Variants in TMTC2 observed in about 807,000 individuals in gnomAD.
The protein encoded by TMTC2 is transmembrane O-mannosyltransferase targeting cadherins 2, also known as protein O-mannosyl-transferase TMTC2.
A neutral mutation model predicts 82.4 loss-of-function variants in TMTC2; 43 were observed. That is an observed-to-expected ratio of 0.52 (90% CI 0.41 to 0.67). The LOEUF is 0.67. Ranked by LOEUF, TMTC2 falls within the 30% of genes least tolerant of loss-of-function variation. TMTC2 has a pLI of 0.00. For synonymous variants in TMTC2, 408 were observed against 381.9 expected, an observed-to-expected ratio of 1.07 and a Z score of -0.80; for missense variants, 919 against 1,012.4, an observed-to-expected ratio of 0.91 and a Z score of 1.25.
intron 1 of TMTC2, among the ~76,000 whole-genome samples, chr12:82,795,234 G>A (rs939858364): frequency 6.6e-6 from 1 of 151,132 alleles, no homozygotes; most frequent in Non-Finnish European, 1.5e-5. Context: ...GAACCTGGGA[G>A]GCAGGGGTTG....
intron 4 of TMTC2, among the ~76,000 whole-genome samples, chr12:82,943,070 G>A (rs1796162): frequency 0.92 from 139,681 of 152,160 alleles, 64,213 homozygotes; most frequent in East Asian, 1. Flanking sequence ...GGAGAGAGCT[G>A]CTTATATAAA....
At chr12:83,113,686 TTA>T (rs773019367) in intron 11 of TMTC2, among the ~76,000 whole-genome samples, 113 of 152,346 alleles carry the variant, frequency 7.4e-4, no homozygotes, top group Non-Finnish European at 1.1e-3. Context: ...TATGAAATTA[TTA>T]TGTGTGAAGA....
intron 4 of TMTC2, among the ~76,000 whole-genome samples, chr12:82,938,257 A>C (rs778135806): frequency 5.3e-5 from 8 of 152,034 alleles, no homozygotes; most frequent in Non-Finnish European, 1.0e-4. Context: ...ATGTTCTTGA[A>C]AATTCAGGGC....
At chr12:82,775,835 G>T (rs1268182531) in intron 1 of TMTC2, among the ~76,000 whole-genome samples, 1 of 151,906 alleles carries the variant, frequency 6.6e-6, no homozygotes, top group African/African-American at 2.4e-5. Context: ...ACAAAATTCT[G>T]CTCAGTTTCC....
At chr12:83,024,521 A>G (rs1881077752) in intron 8 of TMTC2, among the ~76,000 whole-genome samples, 1 of 152,188 alleles carries the variant, frequency 6.6e-6, no homozygotes, top group Non-Finnish European at 1.5e-5. Context: ...AGAAATTCCC[A>G]AAGAGTAAAC....
rs530054988 is a variant in TMTC2, at chr12:83,014,582, G to A, written c.2071-16216G>A. On this transcript the variant is annotated intron_variant, in intron 8 of 11. Transcript: ENST00000321196. ...CCAAACTCCTGGGTTCAAGTGATCT[G>A]CCCCTCTCAGCCTCCCAAAGTTCTG... 9.2e-5 allele frequency among the ~76,000 whole-genome samples: 14 copies of A among 152,216 alleles called. No homozygotes were observed. The South Asian group carries it at 2.1e-3, about 23-fold the overall frequency.
At chr12:83,086,348 G>C (rs1333494947) in intron 11 of TMTC2, among the ~76,000 whole-genome samples, 1 of 152,170 alleles carries the variant, frequency 6.6e-6, no homozygotes, top group East Asian at 1.9e-4. Context: ...ATTTTAATTG[G>C]TCAAAGACAG....
intron 5 of TMTC2, 116 bp from the exon 6 acceptor site, chr12:82,965,444 T>C (rs1565831286): frequency 3.7e-6 from 4 of 1,075,578 alleles, no homozygotes; most frequent in Non-Finnish European, 5.3e-6. Flanking sequence ...TCATAAGTAT[T>C]TTTTTCTTTT....
At chr12:82,988,839 A>T (rs1459701633) in intron 8 of TMTC2, among the ~76,000 whole-genome samples, 2 of 148,004 alleles carry the variant, frequency 1.4e-5, no homozygotes, top group Non-Finnish European at 3.0e-5. Flanking sequence ...CAGACAGAGC[A>T]CAGTGAATCT....
intron 11 of TMTC2, among the ~76,000 whole-genome samples, chr12:83,100,888 A>G (rs1373176397): frequency 6.6e-6 from 1 of 152,228 alleles, no homozygotes; most frequent in African/African-American, 2.4e-5. Context: ...TTCAGAAAGT[A>G]AGCATGGCAC....
At chr12:83,040,695 T>TC (rs1428787611) in intron 9 of TMTC2, among the ~76,000 whole-genome samples, 2 of 149,692 alleles carry the variant, frequency 1.3e-5, no homozygotes, top group African/African-American at 2.5e-5. Context: ...TTTTTTTTTT[T>TC]TTTCTTTTGA....
rs1462561831 is a variant in TMTC2 at position 82,727,735 on chromosome 12, C to A, written c.83+40066C>A. Among the ~76,000 whole-genome samples, 3 of 147,584 alleles carry A rather than the reference C, an allele frequency of 2.0e-5. No individual in the cohort carries two copies. In the South Asian group the frequency reaches 6.6e-4, roughly 33 times the overall value. ...GAGTGTCTCAAAAAAAAAAAAAATT[C>A]TTTTGAAATCCAACTTTCACCTGGA... is the stretch of plus-strand genomic sequence containing the variant. On this transcript the variant is annotated intron_variant, in intron 1 of 11. Coordinates refer to ENST00000321196, the MANE Select transcript of TMTC2 (RefSeq NM_152588.3).
intron 3 of TMTC2, among the ~76,000 whole-genome samples, chr12:82,927,100 G>C (rs1044989552): frequency 6.6e-6 from 1 of 152,186 alleles, no homozygotes; most frequent in Admixed American, 6.5e-5. Flanking sequence ...TAAGGATGTA[G>C]CTTCCATAGA....
At chr12:82,929,579 C>T (rs1221357693) in intron 3 of TMTC2, among the ~76,000 whole-genome samples, 1 of 152,084 alleles carries the variant, frequency 6.6e-6, no homozygotes, top group East Asian at 1.9e-4. Flanking sequence ...TCAGTAGTCA[C>T]CCAACTAAAT....
intron 1 of TMTC2, among the ~76,000 whole-genome samples, chr12:82,834,776 G>A (rs1260443306): frequency 6.6e-6 from 1 of 152,138 alleles, no homozygotes. Flanking sequence ...CTGCAAAGAA[G>A]GATAGTAATT....
At chr12:82,709,099 T>C (rs917588918) in intron 1 of TMTC2, among the ~76,000 whole-genome samples, 2 of 151,500 alleles carry the variant, frequency 1.3e-5, no homozygotes, top group African/African-American at 2.4e-5. Context: ...TTTTTTTTCT[T>C]ATTGGCAAGA....
chr12:82,906,278 CTAT>C (rs1216724854), intron 3 of TMTC2, among the ~76,000 whole-genome samples: 1 of 152,080 alleles, frequency 6.6e-6, no homozygotes, highest in African/African-American at 2.4e-5. Context: ...GTAACAAATT[CTAT>C]TATTATATTT....
At chr12:82,804,644 C>T (rs1320181060) in intron 1 of TMTC2, among the ~76,000 whole-genome samples, 1 of 151,988 alleles carries the variant, frequency 6.6e-6, no homozygotes, top group Non-Finnish European at 1.5e-5. Context: ...GCTTATTGAC[C>T]AACTGATAGC....
intron 7 of TMTC2, among the ~76,000 whole-genome samples, chr12:82,971,931 T>G (rs1419616613): frequency 6.6e-6 from 1 of 152,126 alleles, no homozygotes; most frequent in African/African-American, 2.4e-5. Flanking sequence ...TCACAGTTGG[T>G]CCAGAGCTCT....
Sources: gnomAD v4.1 joint callset for allele counts (sites outside exome capture counted in the v4.1 genomes callset) on GRCh38, gnomAD v4.1.1 for gene constraint, MANE v1.5 for transcripts, NCBI Gene and HGNC (gene_info 2026-07-23, HGNC 2026-07-21) for gene names.